The following OSBPL10 variants were observed in gnomAD, a reference collection of about 807,000 sequenced individuals.
OSBPL10 encodes the protein oxysterol binding protein like 10, also known as oxysterol-binding protein-related protein 10.
A neutral mutation model predicts 81.7 loss-of-function variants in OSBPL10; 49 were observed. That is an observed-to-expected ratio of 0.60 (90% CI 0.48 to 0.76). OSBPL10 has a LOEUF of 0.76. Ranked by LOEUF, OSBPL10 falls within the 30% of genes least tolerant of loss-of-function variation. The probability of loss-of-function intolerance (pLI) is 0.00; values close to 1 mark genes in which losing one functional copy is unlikely to be tolerated. For missense variants in OSBPL10, 923 were observed against 987.8 expected (o/e 0.93, Z 0.88); for synonymous variants, 419 against 383.6 (o/e 1.09, Z -1.08).
At chr3:31,715,977 C>A (rs1696419480) in intron 6 of OSBPL10, among the ~76,000 whole-genome samples, 1 of 152,162 alleles carries the variant, frequency 6.6e-6, no homozygotes, top group Non-Finnish European at 1.5e-5. Context: ...CAGTTACGGG[C>A]CTGAACTCTA....
chr3:31,696,467 T>C (rs952087808), intron 7 of OSBPL10, among the ~76,000 whole-genome samples: 2 of 152,266 alleles, frequency 1.3e-5, no homozygotes, highest in African/African-American at 4.8e-5. Flanking sequence ...TTGAATGCAC[T>C]CCCATCAGAC....
intron 1 of OSBPL10, among the ~76,000 whole-genome samples, chr3:31,899,549 T>TA (rs1239584341): frequency 2.6e-5 from 4 of 152,104 alleles, no homozygotes; most frequent in African/African-American, 4.8e-5. Flanking sequence ...ACAGATGTTT[T>TA]AAAAAATCTG....
intron 1 of OSBPL10, among the ~76,000 whole-genome samples, chr3:31,903,806 C>G (rs905905688): frequency 6.6e-6 from 1 of 152,130 alleles, no homozygotes; most frequent in African/African-American, 2.4e-5. Flanking sequence ...AATCTTCTAC[C>G]TCAGAGCAAA....
At chr3:31,903,609 G>C (rs1696319121) in intron 1 of OSBPL10, among the ~76,000 whole-genome samples, 1 of 152,030 alleles carries the variant, frequency 6.6e-6, no homozygotes, top group Non-Finnish European at 1.5e-5. Flanking sequence ...GGGATTATAG[G>C]CATGAGCCAG....
At chr3:31,876,633 G>A (rs765981624) in intron 2 of OSBPL10, 121 bp from the exon 3 acceptor site, 1 of 749,972 alleles carries the variant, frequency 1.3e-6, no homozygotes, top group East Asian at 2.7e-5. Context: ...GCAAGAAGGT[G>A]GGGAAGCAAG....
At chr3:31,871,893 C>T (rs1269202575) in intron 3 of OSBPL10, among the ~76,000 whole-genome samples, 4 of 152,204 alleles carry the variant, frequency 2.6e-5, no homozygotes, top group African/African-American at 9.6e-5. Context: ...CACGCACACA[C>T]ATGCAAGAAA....
intron 1 of OSBPL10, among the ~76,000 whole-genome samples, chr3:31,939,360 G>A (rs1379257851): frequency 1.3e-5 from 2 of 151,390 alleles, no homozygotes; most frequent in Non-Finnish European, 2.9e-5. Flanking sequence ...GGCCAGGTTG[G>A]TCTCAAACTC....
At chr3:31,732,919 C>T (rs765311144) in intron 6 of OSBPL10, 74 of 319,834 alleles carry the variant, frequency 2.3e-4, no homozygotes, top group Non-Finnish European at 3.7e-4. Context: ...AGGGGAGCGA[C>T]ATAATATATT....
At chr3:32,050,595 A>C (rs9824950) in intron 1 of OSBPL10, among the ~76,000 whole-genome samples, 1 of 152,108 alleles carries the variant, frequency 6.6e-6, no homozygotes, top group Non-Finnish European at 1.5e-5. Context: ...CTTTTGGTAA[A>C]GTTCAAAGGC....
At chr3:31,679,397 G>T (rs1700578906) in intron 8 of OSBPL10, among the ~76,000 whole-genome samples, 1 of 152,188 alleles carries the variant, frequency 6.6e-6, no homozygotes, top group South Asian at 2.1e-4. Flanking sequence ...CAGGGAATCT[G>T]TGTGCTGTGG....
intron 5 of OSBPL10, 91 bp downstream of exon 5, chr3:31,747,819 G>C: frequency 7.6e-7 from 1 of 1,315,582 alleles, no homozygotes; most frequent in Non-Finnish European, 1.1e-6. Flanking sequence ...GGATCGTAGA[G>C]AAATGGATGG....
At chr3:31,958,837 T>C (rs544923163) in intron 1 of OSBPL10, among the ~76,000 whole-genome samples, 1 of 152,318 alleles carries the variant, frequency 6.6e-6, no homozygotes, top group African/African-American at 2.4e-5. Flanking sequence ...TGTTTACATA[T>C]TGCCTAGGGC....
intron 1 of OSBPL10, among the ~76,000 whole-genome samples, chr3:31,899,625 C>G (rs1696173591): frequency 6.6e-6 from 1 of 152,078 alleles, no homozygotes; most frequent in Non-Finnish European, 1.5e-5. Flanking sequence ...AACCCAGGAG[C>G]TTGAGACCAG....
chr3:31,662,775 G>A (rs1323427705), intron 11 of OSBPL10: 3 of 985,210 alleles, frequency 3.0e-6, no homozygotes, highest in African/African-American at 1.7e-5. Context: ...TCTTGTTGTT[G>A]TTGCTGTTTA....
intron 1 of OSBPL10, chr3:31,969,518 C>G (rs927087491): frequency 6.6e-6 from 1 of 152,364 alleles, no homozygotes; most frequent in Non-Finnish European, 1.5e-5. Flanking sequence ...CACGGGGCTT[C>G]GCTGGGCACG....
At chr3:31,709,124 GA>G (rs1210711525) in intron 6 of OSBPL10, 1 of 788,786 alleles carries the variant, frequency 1.3e-6, no homozygotes, top group Admixed American at 6.2e-5. Flanking sequence ...TCTTATCCTT[GA>G]CAGGTCCAAG....
At chr3:31,990,914 A>G in intron 2 of OSBPL10, 61 of 1,574,742 alleles carry the variant, frequency 3.9e-5, no homozygotes, top group Non-Finnish European at 5.3e-5. Context: ...CGCATTAGAC[A>G]TCAGAGAATC....
intron 4 of OSBPL10, among the ~76,000 whole-genome samples, chr3:31,761,815 A>C (rs1291965533): frequency 3.2e-5 from 1 of 30,990 alleles, no homozygotes; most frequent in East Asian, 0.031. Context: ...ACTGTCTCTA[A>C]AAAAAAAAAA....
At chr3:31,682,735 G>A (rs529253174) in intron 8 of OSBPL10, among the ~76,000 whole-genome samples, 5 of 152,186 alleles carry the variant, frequency 3.3e-5, no homozygotes, top group South Asian at 4.2e-4. Flanking sequence ...TCATTTCCCC[G>A]TGAGAAAGAA....
Sources: gnomAD v4.1 joint callset for allele counts (sites outside exome capture counted in the v4.1 genomes callset) on GRCh38, gnomAD v4.1.1 for gene constraint, MANE v1.5 for transcripts, NCBI Gene and HGNC (gene_info 2026-07-23, HGNC 2026-07-21) for gene names.